HIPK2: variants seen among roughly 807,000 people sequenced by gnomAD.
The protein encoded by HIPK2 is homeodomain interacting protein kinase 2.
Under a neutral mutation model 113.7 loss-of-function variants are expected in HIPK2, and 27 were observed. The ratio of observed to expected loss-of-function variants is 0.24; its 90% CI spans 0.17 to 0.33. The LOEUF (loss-of-function observed/expected upper bound fraction) is 0.33, where lower values mean the gene tolerates loss of function less well. HIPK2 is among the 10% of genes least tolerant of loss of function. The probability of loss-of-function intolerance (pLI) is 1.00; values close to 1 mark genes in which losing one functional copy is unlikely to be tolerated. For missense variants in HIPK2, 1,257 were observed against 1,588.0 expected (o/e 0.79, Z 3.54); for synonymous variants, 631 against 642.2 (o/e 0.98, Z 0.26).
At chr7:139,728,536 C>T (rs1795659543) in intron 1 of HIPK2, among the ~76,000 whole-genome samples, 1 of 152,126 alleles carries the variant, frequency 6.6e-6, no homozygotes, top group Admixed American at 6.5e-5. Context: ...TCCAAATTTC[C>T]CTTTTAATAA....
chr7:139,653,993 A>G (rs1801566213), intron 2 of HIPK2, among the ~76,000 whole-genome samples: 1 of 152,160 alleles, frequency 6.6e-6, no homozygotes, highest in Admixed American at 6.5e-5. Flanking sequence ...TCGGCCTCCC[A>G]AAGTGCTAGG....
chr7:139,585,428 G>A (rs1194910798), intron 12 of HIPK2, among the ~76,000 whole-genome samples: 3 of 152,224 alleles, frequency 2.0e-5, no homozygotes, highest in South Asian at 2.1e-4. Context: ...AACGCCCAGC[G>A]CTCCTGACAT....
At chr7:139,704,383 CCA>C (rs1242863765) in intron 2 of HIPK2, among the ~76,000 whole-genome samples, 4 of 132,424 alleles carry the variant, frequency 3.0e-5, no homozygotes, top group South Asian at 2.6e-4. Flanking sequence ...ACCCAACACA[CCA>C]CACACACCAC....
At chr7:139,649,849 G>A (rs574105764) in intron 2 of HIPK2, among the ~76,000 whole-genome samples, 4 of 152,082 alleles carry the variant, frequency 2.6e-5, no homozygotes, top group South Asian at 2.1e-4. Context: ...TTAGTTGCTC[G>A]AGCAACTGAG....
At chr7:139,680,847 A>G (rs748797340) in intron 2 of HIPK2, among the ~76,000 whole-genome samples, 1 of 152,188 alleles carries the variant, frequency 6.6e-6, no homozygotes. Flanking sequence ...GTCTGAGGCC[A>G]GCTTCCACAG....
chr7:139,564,174 C>T lies in HIPK2; in HGVS notation c.*8753G>A. 1 of 388,194 alleles carries T rather than the reference C, an allele frequency of 2.6e-6. No homozygotes were observed. Among genetic ancestry groups the T allele is most frequent in the Non-Finnish European group, 4.5e-6 (1 of 220,270 alleles). 24.0% of individuals were successfully genotyped at this position (388,194 alleles called of 1,614,324 possible). Reference sequence around the variant, plus strand: ...GACAATGAGTAAAACGTAAACATAGCCTTTTACATTGATTTTGCTTTTAAG... The same window carrying T: ...GACAATGAGTAAAACGTAAACATAGTCTTTTACATTGATTTTGCTTTTAAG... On this transcript the variant is annotated 3_prime_UTR_variant, in exon 15 of 15. Transcript: ENST00000406875.
At chr7:139,658,953 G>A (rs937216971) in intron 2 of HIPK2, among the ~76,000 whole-genome samples, 6 of 152,136 alleles carry the variant, frequency 3.9e-5, no homozygotes, top group East Asian at 1.9e-4. Context: ...GAGAGGAGTC[G>A]ATTCACTACA....
At chr7:139,721,572 T>C (rs957058490) in intron 1 of HIPK2, among the ~76,000 whole-genome samples, 3 of 152,256 alleles carry the variant, frequency 2.0e-5, no homozygotes, top group African/African-American at 4.8e-5. Context: ...TATTGACCTC[T>C]GGACTAGTCA....
At chr7:139,703,838 C>T (rs1277565195) in intron 2 of HIPK2, among the ~76,000 whole-genome samples, 1 of 128,964 alleles carries the variant, frequency 7.8e-6, no homozygotes, top group Non-Finnish European at 1.6e-5. Flanking sequence ...TACACCTCCC[C>T]CACACCCACA....
rs997563464 is a variant in HIPK2, at chr7:139,608,363, TATATATAC to T, written c.2113-4148_2113-4141del. Among the ~76,000 whole-genome samples, 14 of 138,254 alleles carry T rather than the reference TATATATAC, an allele frequency of 1.0e-4. No homozygotes were observed. In the South Asian group the frequency reaches 2.4e-3, roughly 24 times the overall value. The allele number at this position is 138,254 out of a possible 152,430, so 90.7% of individuals were successfully genotyped here. On this transcript the variant is annotated intron_variant, in intron 9 of 14. Transcript: ENST00000406875. ...ATAACAGGGATAATATATATGTGTA[TATATATAC>T]ATATATACATATATAATGTAACTAT...
At position 139,700,417 on chromosome 7, in the gene HIPK2, C is replaced by T. The variant is rs1021629885; in HGVS notation, c.1103+15515G>A. The stretch of plus-strand genomic sequence containing the variant: ...AAGAGCTACCTCAGAGCTATGATGA[C>T]GGTCACAAAAAGCCCTTTCCTGCAA... On this transcript the variant is annotated intron_variant, in intron 2 of 14. Transcript: ENST00000406875. Among the ~76,000 whole-genome samples, 11 of 152,278 alleles carry T rather than the reference C, an allele frequency of 7.2e-5. No homozygotes were observed. In the East Asian group the frequency reaches 1.5e-3, roughly 21 times the overall value.
chr7:139,605,466 T>A (rs1474472665), intron 9 of HIPK2, among the ~76,000 whole-genome samples: 1 of 152,142 alleles, frequency 6.6e-6, no homozygotes, highest in African/African-American at 2.4e-5. Context: ...GTGACTAACA[T>A]TGGGTAATTT....
At chr7:139,600,309 TG>T (rs1381475830) in intron 11 of HIPK2, 107 bp downstream of exon 11, 4 of 1,275,832 alleles carry the variant, frequency 3.1e-6, no homozygotes, top group Non-Finnish European at 4.3e-6. Flanking sequence ...CCCCATCCCA[TG>T]CAACTGTCCC....
intron 2 of HIPK2, among the ~76,000 whole-genome samples, chr7:139,678,830 A>G (rs575934906): frequency 6.6e-6 from 1 of 152,240 alleles, no homozygotes; most frequent in South Asian, 2.1e-4. Context: ...ATCCTCTTCT[A>G]TTTCATTGAG....
intron 11 of HIPK2, 78 bp downstream of exon 11, chr7:139,600,339 G>A: frequency 2.7e-6 from 4 of 1,494,320 alleles, no homozygotes; most frequent in Non-Finnish European, 3.6e-6. Context: ...AGTGGGTGCT[G>A]ATACTCCCTA....
At chr7:139,624,519 G>A (rs987944399) in intron 6 of HIPK2, among the ~76,000 whole-genome samples, 4 of 152,112 alleles carry the variant, frequency 2.6e-5, no homozygotes, top group Admixed American at 6.5e-5. Flanking sequence ...TCCCTGGACC[G>A]TCAAACCTGA....
At chr7:139,602,675 A>C (rs922261803) in intron 10 of HIPK2, among the ~76,000 whole-genome samples, 1 of 151,836 alleles carries the variant, frequency 6.6e-6, no homozygotes, top group African/African-American at 2.4e-5. Context: ...GCTGCTCCTA[A>C]GGAGCTGGAG....
At chr7:139,666,933 A>T (rs9801656) in intron 2 of HIPK2, among the ~76,000 whole-genome samples, 1 of 151,668 alleles carries the variant, frequency 6.6e-6, no homozygotes, top group East Asian at 1.9e-4. Context: ...TAGTGGCAGG[A>T]TCCTGTAATC....
At chr7:139,727,116 G>A (rs1045624696) in intron 1 of HIPK2, among the ~76,000 whole-genome samples, 2 of 152,224 alleles carry the variant, frequency 1.3e-5, no homozygotes, top group Non-Finnish European at 2.9e-5. Flanking sequence ...CGTGGGTAAA[G>A]CTGTTTCCCA....
Sources: gnomAD v4.1 joint callset for allele counts (sites outside exome capture counted in the v4.1 genomes callset) on GRCh38, gnomAD v4.1.1 for gene constraint, MANE v1.5 for transcripts, NCBI Gene and HGNC (gene_info 2026-07-23, HGNC 2026-07-21) for gene names.